CCDC50: variants seen among roughly 807,000 people sequenced by gnomAD.
The protein encoded by CCDC50 is coiled-coil domain-containing protein 50.
CCDC50 carries 54 observed loss-of-function variants against 70.2 expected under a neutral mutation model. That is an observed-to-expected ratio of 0.77 (90% CI 0.62 to 0.96). The LOEUF (loss-of-function observed/expected upper bound fraction) is 0.96. Among genes scored for constraint, CCDC50 ranks in the 50% least tolerant of loss-of-function variants. CCDC50 has a pLI of 0.00. For synonymous variants in CCDC50, 216 were observed against 198.8 expected (o/e 1.09, Z -0.73); for missense variants, 558 against 578.7 (o/e 0.96, Z 0.37).
rs981795464 is a variant in CCDC50 at position 191,395,221 on chromosome 3, G to T, written c.*3461G>T. ...TTCTTCTCTAATGTGTCCTGAAGCT[G>T]AGCTAGATGATGAGTAAATTCTTTG... On this transcript the variant is annotated 3_prime_UTR_variant, in exon 12 of 12. Coordinates refer to ENST00000392455, the MANE Select transcript of CCDC50 (RefSeq NM_178335.3). The T allele has an allele frequency of 2.0e-5, 3 of 152,114 alleles. No individual in the cohort carries two copies. Among genetic ancestry groups the T allele is most frequent in the African/African-American group, 7.2e-5 (3 of 41,438 alleles). 9.4% of individuals were successfully genotyped at this position (152,114 alleles called of 1,614,324 possible). A position where few individuals can be genotyped will look rare whatever the true frequency, so the allele number is the denominator to read the frequency against.
intron 6 of CCDC50, among the ~76,000 whole-genome samples, chr3:191,378,217 T>C (rs184929860): frequency 5.9e-5 from 9 of 152,242 alleles, no homozygotes; most frequent in African/African-American, 1.4e-4. Flanking sequence ...CTGAGAGATA[T>C]TACCTCAGAT....
intron 1 of CCDC50, among the ~76,000 whole-genome samples, chr3:191,353,510 G>A (rs1560160219): frequency 7.1e-6 from 1 of 141,090 alleles, no homozygotes; most frequent in Non-Finnish European, 1.6e-5. Flanking sequence ...TGTTTACATC[G>A]AAGGCAGAGG....
At chr3:191,381,048 C>G (rs1001587457) in intron 9 of CCDC50, 116 bp downstream of exon 9, 8 of 796,146 alleles carry the variant, frequency 1.0e-5, no homozygotes, top group Non-Finnish European at 1.6e-5. Flanking sequence ...TATAAATTAT[C>G]TGTATTGCAT....
chr3:191,338,734 T>C (rs895457069), intron 1 of CCDC50, among the ~76,000 whole-genome samples: 1 of 152,334 alleles, frequency 6.6e-6, no homozygotes. Context: ...CTTTTACTTT[T>C]TGTTGTATGA....
chr3:191,351,745 G>A (rs1712113599), intron 1 of CCDC50, among the ~76,000 whole-genome samples: 1 of 141,150 alleles, frequency 7.1e-6, no homozygotes, highest in Non-Finnish European at 1.6e-5. Flanking sequence ...TACATTTCAG[G>A]TAAGTTGTAT....
intron 6 of CCDC50, among the ~76,000 whole-genome samples, chr3:191,376,177 C>T (rs528742471): frequency 7.0e-4 from 107 of 152,264 alleles, no homozygotes; most frequent in Non-Finnish European, 2.2e-4. Context: ...GTATTATCAT[C>T]TCTGGAGTGA....
chr3:191,392,007 A>G lies in CCDC50; in HGVS notation c.*247A>G. 2.0e-6 allele frequency: 1 copy of G among 510,110 alleles called. No individual in the cohort carries two copies. The highest frequency in any genetic ancestry group is 3.4e-5 in the Admixed American group (1 of 29,700). 31.6% of individuals were successfully genotyped at this position (510,110 alleles called of 1,614,324 possible). A position where few individuals can be genotyped will look rare whatever the true frequency, so the allele number is the denominator to read the frequency against. On this transcript the variant is annotated 3_prime_UTR_variant, in exon 12 of 12. Transcript: ENST00000392455. Reference sequence around the variant, plus strand: ...CTCTATGCTGCATATACTTCTTGGGATATAGTATCTAAGACCTTTGTAAAC... The same window carrying G: ...CTCTATGCTGCATATACTTCTTGGGGTATAGTATCTAAGACCTTTGTAAAC...
At position 191,347,870 on chromosome 3, in the gene CCDC50, G is replaced by A. The variant is rs1316003881; in HGVS notation, c.50-9218G>A. Among the ~76,000 whole-genome samples, 9 of 141,894 alleles carry A rather than the reference G, an allele frequency of 6.3e-5. No individual in the cohort carries two copies. In the South Asian group the frequency reaches 1.3e-3, roughly 21 times the overall value. 93.1% of individuals were successfully genotyped at this position (141,894 alleles called of 152,430 possible). ...TGTGGGTGGAAAAATTCAACATTTC[G>A]TGTTATGTCCTGTGCACTAGTCGTC... is the stretch of plus-strand genomic sequence containing the variant. On this transcript the variant is annotated intron_variant, in intron 1 of 11. Coordinates refer to ENST00000392455, the MANE Select transcript of CCDC50 (RefSeq NM_178335.3).
At chr3:191,379,935 A>G (rs1713252329) in intron 6 of CCDC50, among the ~76,000 whole-genome samples, 1 of 152,086 alleles carries the variant, frequency 6.6e-6, no homozygotes, top group African/African-American at 2.4e-5. Flanking sequence ...TTTACCAGGC[A>G]GGCTTGCTTA....
intron 4 of CCDC50, among the ~76,000 whole-genome samples, chr3:191,365,897 A>G (rs1712671391): frequency 6.6e-6 from 1 of 152,182 alleles, no homozygotes; most frequent in African/African-American, 2.4e-5. Flanking sequence ...TCCAAATTCC[A>G]AAATGTTCCA....
intron 10 of CCDC50, among the ~76,000 whole-genome samples, chr3:191,385,114 T>C (rs1018389853): frequency 1.3e-5 from 2 of 152,168 alleles, no homozygotes; most frequent in Non-Finnish European, 2.9e-5. Flanking sequence ...AAGAGTGCTG[T>C]GATGAACATA....
rs191875481 is a variant in CCDC50 at position 191,365,113 on chromosome 3, T to G, written c.330+3954T>G. Among the ~76,000 whole-genome samples, 90 of 150,606 alleles carry G rather than the reference T, an allele frequency of 6.0e-4. 1 individual carries two copies. The highest frequency in any genetic ancestry group is 2.0e-3 in the African/African-American group (82 of 41,134). ...ATGTGTGTGTGTGTTTAAACCTAGG[T>G]TTAAAATATATGTGAATGTGCAACT... On this transcript the variant is annotated intron_variant, in intron 4 of 11. Coordinates refer to ENST00000392455, the MANE Select transcript of CCDC50 (RefSeq NM_178335.3).
intron 1 of CCDC50, among the ~76,000 whole-genome samples, chr3:191,338,512 G>C (rs1014102532): frequency 2.0e-5 from 3 of 152,188 alleles, no homozygotes; most frequent in African/African-American, 7.2e-5. Context: ...TGCATTTATA[G>C]ATCACTTTCT....
At chr3:191,384,829 T>G (rs1713435392) in intron 10 of CCDC50, among the ~76,000 whole-genome samples, 1 of 152,112 alleles carries the variant, frequency 6.6e-6, no homozygotes, top group African/African-American at 2.4e-5. Flanking sequence ...CCCTCCCTCC[T>G]TTTGGTGTTC....
rs552627011 is a variant in CCDC50 at position 191,375,671 on chromosome 3, A to T, written c.976+82A>T. 7 of 1,437,358 alleles carry T rather than the reference A, an allele frequency of 4.9e-6. No homozygotes were observed. In the African/African-American group the frequency reaches 1.0e-4, roughly 21 times the overall value. 89.0% of individuals were successfully genotyped at this position (1,437,358 alleles called of 1,614,324 possible). On this transcript the variant is annotated intron_variant, in intron 6 of 11. Transcript: ENST00000392455. ...ATGAATTTAATAAGTACCTTAAGCA[A>T]CCTTTCTTTCTCTCTAGTTCATGCT...
rs1484066636 is a variant in CCDC50, at chr3:191,348,088, C to T, written c.50-9000C>T. Among the ~76,000 whole-genome samples the T allele has an allele frequency of 1.3e-4, 19 of 142,284 alleles. 5 individuals are homozygous for T. The highest frequency in any genetic ancestry group is 2.3e-4 in the African/African-American group (9 of 39,958). The allele number at this position is 142,284 out of a possible 152,430, so 93.3% of individuals were successfully genotyped here. A position where few individuals can be genotyped will look rare whatever the true frequency, so the allele number is the denominator to read the frequency against. On this transcript the variant is annotated intron_variant, in intron 1 of 11. Transcript: ENST00000392455. ...TGCTACAGTTCTATCCTGTAAACTACGTGCTATGAAAGCACTGAAAGAAAA... is the reference window on the plus strand; with the variant it reads ...TGCTACAGTTCTATCCTGTAAACTATGTGCTATGAAAGCACTGAAAGAAAA...
intron 1 of CCDC50, among the ~76,000 whole-genome samples, chr3:191,350,880 G>T (rs566089600): frequency 2.1e-5 from 3 of 141,650 alleles, no homozygotes; most frequent in East Asian, 1.9e-4. Flanking sequence ...TTTCTCACCG[G>T]CATTGCCAGT....
At chr3:191,383,218 A>G (rs1713378655) in intron 10 of CCDC50, among the ~76,000 whole-genome samples, 1 of 152,118 alleles carries the variant, frequency 6.6e-6, no homozygotes, top group Non-Finnish European at 1.5e-5. Context: ...CACATGCTCA[A>G]ACTCATTTCT....
intron 6 of CCDC50, among the ~76,000 whole-genome samples, chr3:191,378,731 G>GT (rs111282965): frequency 0.47 from 69,667 of 149,242 alleles, 17,202 homozygotes; most frequent in African/African-American, 0.65. Flanking sequence ...CTATGCCACT[G>GT]TTTTTTTGTT....
Sources: allele counts gnomAD v4.1 joint callset (sites outside exome capture counted in the v4.1 genomes callset), GRCh38; gene constraint gnomAD v4.1.1; transcripts MANE v1.5; gene names NCBI Gene and HGNC (gene_info 2026-07-23, HGNC 2026-07-21).